The following LIMA1 variants were observed in gnomAD, a reference collection of about 807,000 sequenced individuals.
LIMA1 encodes the protein LIM domain and actin binding 1.
LIMA1 carries 52 observed loss-of-function variants against 62.6 expected under a neutral mutation model. The ratio of observed to expected loss-of-function variants is 0.83; its 90% CI spans 0.67 to 1.05. The LOEUF is 1.05. Ranked by LOEUF, LIMA1 falls within the 50% of genes least tolerant of loss-of-function variation. The pLI is 0.00. For missense variants in LIMA1, 780 were observed against 902.2 expected, an observed-to-expected ratio of 0.86 and a Z score of 1.74; for synonymous variants, 302 against 317.8, an observed-to-expected ratio of 0.95 and a Z score of 0.53.
intron 1 of LIMA1, among the ~76,000 whole-genome samples, chr12:50,270,233 CAAAAAAAAAAAAA>C (rs60610107): frequency 0.015 from 1,018 of 68,468 alleles, 6 homozygotes; most frequent in Non-Finnish European, 0.02. Flanking sequence ...GAAACTCTGT[CAAAAAAAAAAAAA>C]AAAAAAAAAA....
At chr12:50,206,547 A>C (rs985895661) in intron 4 of LIMA1, among the ~76,000 whole-genome samples, 1 of 152,206 alleles carries the variant, frequency 6.6e-6, no homozygotes, top group Non-Finnish European at 1.5e-5. Context: ...ATCCCCAATA[A>C]TACAAAGTAA....
At position 50,177,716 on chromosome 12, in the gene LIMA1, C is replaced by G; in HGVS notation, c.1628G>C (p.Ser543Thr). 6.2e-7 allele frequency: 1 copy of G among 1,613,164 alleles called. No homozygotes were observed. The highest frequency in any genetic ancestry group is 8.5e-7 in the Non-Finnish European group (1 of 1,179,716). The change falls in exon 11 of 11, where the codon AGT becomes ACT. Residue 543 changes from serine (S) to threonine (T), a missense_variant. Transcript: ENST00000341247. ...CATTTTGATCCCTTCCTCCAAGGCACTTCCTGAACTTCCAAGTTCAGTGGG... is the reference window on the plus strand; with the variant it reads ...CATTTTGATCCCTTCCTCCAAGGCAGTTCCTGAACTTCCAAGTTCAGTGGG... ...PPPTELGSSGSALEEGIKMSK... is the reference protein window; with the variant it reads ...PPPTELGSSGTALEEGIKMSK...
At chr12:50,241,933 A>ATTTTTTTTTTTTTTT (rs577308413) in intron 2 of LIMA1, among the ~76,000 whole-genome samples, 9 of 36,436 alleles carry the variant, frequency 2.5e-4, no homozygotes, top group Non-Finnish European at 3.0e-4. Flanking sequence ...TCCTTCCCAG[A>ATTTTTTTTTTTTTTT]TTTTTTTTTT....
rs1565863074 is a variant in LIMA1, at chr12:50,263,859, A to ATATATATATATATATAAAG, written c.-23-15086_-23-15085insCTTTATATATATATATATA. On this transcript the variant is annotated intron_variant, in intron 1 of 10. Transcript: ENST00000341247. ...GTATATATATATATATATAGAGAGT[A>ATATATATATATATATAAAG]TATATATATATATATATAAAGTATA... Among the ~76,000 whole-genome samples, 167 of 74,900 alleles carry ATATATATATATATATAAAG rather than the reference A, an allele frequency of 2.2e-3. 2 individuals are homozygous for ATATATATATATATATAAAG. The highest frequency in any genetic ancestry group is 4.0e-3 in the Non-Finnish European group (137 of 33,872). 49.1% of individuals were successfully genotyped at this position (74,900 alleles called of 152,430 possible). A position where few individuals can be genotyped will look rare whatever the true frequency, so the allele number is the denominator to read the frequency against.
At chr12:50,222,833 A>G in intron 3 of LIMA1, 1 of 464,708 alleles carries the variant, frequency 2.2e-6, no homozygotes, top group South Asian at 3.2e-5. Context: ...AGAAAGAAAA[A>G]GCAAAATACA....
chr12:50,182,241 G>A (rs772989478), intron 9 of LIMA1: 118 of 481,456 alleles, frequency 2.5e-4, no homozygotes, highest in Middle Eastern at 1.7e-3. Flanking sequence ...CTGTGTGGCT[G>A]CTCTAAATGT....
chr12:50,217,354 G>A (rs1384233106), intron 4 of LIMA1, among the ~76,000 whole-genome samples: 2 of 151,978 alleles, frequency 1.3e-5, no homozygotes, highest in Non-Finnish European at 2.9e-5. Flanking sequence ...GCTCAAGAGT[G>A]GCTGACTCCC....
At chr12:50,251,046 C>T (rs1208571496) in intron 1 of LIMA1, among the ~76,000 whole-genome samples, 1 of 152,070 alleles carries the variant, frequency 6.6e-6, no homozygotes, top group Non-Finnish European at 1.5e-5. Flanking sequence ...TACATGATAC[C>T]TATTTGTCTA....
At chr12:50,239,490 T>G (rs1264789831) in intron 2 of LIMA1, among the ~76,000 whole-genome samples, 3 of 151,706 alleles carry the variant, frequency 2.0e-5, no homozygotes, top group Non-Finnish European at 4.4e-5. Context: ...AGACAAAAAT[T>G]AGCCACCAGG....
chr12:50,232,185 G>A (rs1355386535), intron 2 of LIMA1, among the ~76,000 whole-genome samples: 1 of 149,936 alleles, frequency 6.7e-6, no homozygotes, highest in Non-Finnish European at 1.5e-5. Context: ...TCAGCCTCCT[G>A]AGTGGCTGGG....
At chr12:50,271,964 ACAATCTCAAAG>A in intron 1 of LIMA1, among the ~76,000 whole-genome samples, 1 of 152,314 alleles carries the variant, frequency 6.6e-6, no homozygotes, top group Non-Finnish European at 1.5e-5. Context: ...AGCCTTCTTT[ACAATCTCAAAG>A]CAAAAGAAAC....
intron 4 of LIMA1, among the ~76,000 whole-genome samples, chr12:50,210,076 T>C (rs547068066): frequency 3.3e-5 from 5 of 152,136 alleles, no homozygotes; most frequent in Non-Finnish European, 7.3e-5. Flanking sequence ...CTACAAAAAT[T>C]AGAATTTTCA....
intron 7 of LIMA1, chr12:50,196,154 T>G: frequency 2.7e-6 from 1 of 372,692 alleles, no homozygotes; most frequent in Non-Finnish European, 4.8e-6. Flanking sequence ...ATCATCTCCC[T>G]TTATAAAACA....
intron 4 of LIMA1, among the ~76,000 whole-genome samples, chr12:50,210,899 TCATA>T (rs1444928049): frequency 2.6e-5 from 4 of 152,328 alleles, no homozygotes; most frequent in South Asian, 2.1e-4. Flanking sequence ...GAAAAATCCC[TCATA>T]CAGACTGTGG....
At chr12:50,218,697 G>A (rs1308275481) in intron 4 of LIMA1, among the ~76,000 whole-genome samples, 1 of 151,924 alleles carries the variant, frequency 6.6e-6, no homozygotes, top group Admixed American at 6.6e-5. Flanking sequence ...CTTGAGCCCA[G>A]GAGTTTAAGA....
At chr12:50,245,974 C>T (rs1251474505) in intron 2 of LIMA1, among the ~76,000 whole-genome samples, 1 of 151,928 alleles carries the variant, frequency 6.6e-6, no homozygotes, top group Non-Finnish European at 1.5e-5. Context: ...TGGCTCACGC[C>T]TGTAATCCCA....
intron 1 of LIMA1, among the ~76,000 whole-genome samples, chr12:50,280,116 T>C (rs1374838859): frequency 6.7e-6 from 1 of 149,442 alleles, no homozygotes; most frequent in Non-Finnish European, 1.5e-5. Flanking sequence ...CCCCTAAAGA[T>C]GAAAGTTCTT....
intron 1 of LIMA1, among the ~76,000 whole-genome samples, chr12:50,270,176 G>A (rs576425149): frequency 7.2e-6 from 1 of 138,884 alleles, no homozygotes; most frequent in South Asian, 2.3e-4. Flanking sequence ...CAGAAGTTGC[G>A]ATGAGCCGAG....
At chr12:50,178,377 T>C (rs1439255827) in intron 10 of LIMA1, among the ~76,000 whole-genome samples, 1 of 151,946 alleles carries the variant, frequency 6.6e-6, no homozygotes, top group Admixed American at 6.6e-5. Context: ...TGAGAATTCA[T>C]CTCTACAAAA....
Sources: gnomAD v4.1 joint callset for allele counts (sites outside exome capture counted in the v4.1 genomes callset) on GRCh38, gnomAD v4.1.1 for gene constraint, MANE v1.5 for transcripts, NCBI Gene and HGNC (gene_info 2026-07-23, HGNC 2026-07-21) for gene names.